ST8SIA2: variants seen among roughly 807,000 people sequenced by gnomAD.
The protein encoded by ST8SIA2 is ST8 alpha-N-acetyl-neuraminide alpha-2,8-sialyltransferase 2.
ST8SIA2 carries 22 observed loss-of-function variants against 37.6 expected under a neutral mutation model. That is an observed-to-expected ratio of 0.58 (90% confidence interval 0.42 to 0.83). The LOEUF (loss-of-function observed/expected upper bound fraction) is 0.83, where lower values mean the gene tolerates loss of function less well. Ranked by LOEUF, ST8SIA2 falls within the 40% of genes least tolerant of loss-of-function variation. ST8SIA2 has a pLI of 0.00. For missense variants in ST8SIA2, 382 were observed against 484.7 expected, an observed-to-expected ratio of 0.79 and a Z score of 1.99; for synonymous variants, 205 against 201.2, an observed-to-expected ratio of 1.02 and a Z score of -0.16.
intron 5 of ST8SIA2, among the ~76,000 whole-genome samples, chr15:92,462,314 G>T (rs1166318330): frequency 6.6e-6 from 1 of 152,102 alleles, no homozygotes; most frequent in Non-Finnish European, 1.5e-5. Context: ...AACTTACATA[G>T]GTTATTGATA....
chr15:92,454,763 G>GCCCCAACCTGA (rs1248037564), intron 5 of ST8SIA2, among the ~76,000 whole-genome samples: 120 of 152,258 alleles, frequency 7.9e-4, no homozygotes, highest in African/African-American at 2.9e-3. Context: ...CCTGTGGGGT[G>GCCCCAACCTGA]GCACGGAGCC....
At chr15:92,453,308 C>G (rs1210558321) in intron 5 of ST8SIA2, among the ~76,000 whole-genome samples, 1 of 152,024 alleles carries the variant, frequency 6.6e-6, no homozygotes, top group Non-Finnish European at 1.5e-5. Flanking sequence ...GTGTCTGTCC[C>G]CATTTTTACC....
intron 1 of ST8SIA2, among the ~76,000 whole-genome samples, chr15:92,420,335 C>T (rs1844109957): frequency 6.6e-6 from 1 of 152,148 alleles, no homozygotes; most frequent in Non-Finnish European, 1.5e-5. Context: ...CCCACAGTTT[C>T]ATTATGAGAA....
intron 1 of ST8SIA2, among the ~76,000 whole-genome samples, chr15:92,405,580 A>G (rs995676001): frequency 5.9e-5 from 9 of 152,244 alleles, no homozygotes; most frequent in Admixed American, 5.2e-4. Flanking sequence ...TTAAGAGCAC[A>G]GTTGTGATTT....
chr15:92,455,742 G>A (rs1409621114), intron 5 of ST8SIA2, among the ~76,000 whole-genome samples: 1 of 152,170 alleles, frequency 6.6e-6, no homozygotes, highest in Non-Finnish European at 1.5e-5. Context: ...TCACCCTTGT[G>A]CTGATATCTG....
chr15:92,419,425 T>C (rs1218516472), intron 1 of ST8SIA2, among the ~76,000 whole-genome samples: 1 of 152,178 alleles, frequency 6.6e-6, no homozygotes, highest in East Asian at 1.9e-4. Context: ...CATCTCTCCA[T>C]TGAGTGGTCC....
At chr15:92,413,459 T>C (rs2049564562) in intron 1 of ST8SIA2, among the ~76,000 whole-genome samples, 1 of 152,142 alleles carries the variant, frequency 6.6e-6, no homozygotes, top group East Asian at 1.9e-4. Flanking sequence ...TGCCACCTCA[T>C]TTTATTTTTA....
chr15:92,431,594 T>C (rs1031282516), intron 2 of ST8SIA2, among the ~76,000 whole-genome samples: 2 of 152,178 alleles, frequency 1.3e-5, no homozygotes, highest in African/African-American at 4.8e-5. Flanking sequence ...GCCTGAAATG[T>C]ACCTCTAGTG....
Position 92,433,822 on chromosome 15 carries a change from A to T in ST8SIA2, c.162-425A>T, listed in dbSNP as rs115459046. Among the ~76,000 whole-genome samples, 527 of 152,308 alleles carry T rather than the reference A, an allele frequency of 3.5e-3. 9 individuals are homozygous for T. The highest frequency in any genetic ancestry group is 0.012 in the African/African-American group (494 of 41,564). On this transcript the variant is annotated intron_variant, in intron 2 of 5. Transcript: ENST00000268164. Reference sequence around the variant, plus strand: ...GAGGGTGAAGCCACAGGCTACAATGACATTGTCCTGGTATGAGTTCTTGTT... The same window carrying T: ...GAGGGTGAAGCCACAGGCTACAATGTCATTGTCCTGGTATGAGTTCTTGTT...
intron 1 of ST8SIA2, among the ~76,000 whole-genome samples, chr15:92,407,015 A>G (rs2049513129): frequency 7.4e-6 from 1 of 135,842 alleles, no homozygotes; most frequent in Non-Finnish European, 1.5e-5. Flanking sequence ...AAAAGAAAAG[A>G]AAAAAAAAAA....
At chr15:92,460,770 C>G (rs2049951729) in intron 5 of ST8SIA2, among the ~76,000 whole-genome samples, 1 of 152,228 alleles carries the variant, frequency 6.6e-6, no homozygotes, top group Non-Finnish European at 1.5e-5. Context: ...ACCCACCTAT[C>G]TGTTGGGTCT....
At chr15:92,432,274 G>A (rs572387054) in intron 2 of ST8SIA2, among the ~76,000 whole-genome samples, 3 of 152,180 alleles carry the variant, frequency 2.0e-5, no homozygotes, top group Non-Finnish European at 4.4e-5. Flanking sequence ...AACAAAGCTG[G>A]GGTGAAGCCG....
intron 2 of ST8SIA2, among the ~76,000 whole-genome samples, chr15:92,432,205 A>G (rs3825984): frequency 0.52 from 78,674 of 151,914 alleles, 20,678 homozygotes; most frequent in East Asian, 0.72. Context: ...TTAGTGCGAT[A>G]ACTCCTCATC....
intron 5 of ST8SIA2, among the ~76,000 whole-genome samples, chr15:92,449,044 G>T (rs1038172923): frequency 6.6e-6 from 1 of 151,910 alleles, no homozygotes; most frequent in Admixed American, 6.6e-5. Flanking sequence ...GATTCAGGGG[G>T]TACCTCTGCA....
rs567878684 is a variant in ST8SIA2 at position 92,453,215 on chromosome 15, G to C, written c.842+8286G>C. 3.9e-5 allele frequency among the ~76,000 whole-genome samples: 6 copies of C among 152,252 alleles called. 1 individual carries two copies. The South Asian group carries it at 1.2e-3, about 32-fold the overall frequency. On this transcript the variant is annotated intron_variant, in intron 5 of 5. Transcript: ENST00000268164. ...CCTTGACAGATAGTTTAACCACTAT[G>C]TGCTGACCATTGACACCCAAAGGAT...
intron 3 of ST8SIA2, among the ~76,000 whole-genome samples, chr15:92,436,005 G>A (rs2049754979): frequency 6.6e-6 from 1 of 152,060 alleles, no homozygotes; most frequent in African/African-American, 2.4e-5. Flanking sequence ...GGTGGCCGCA[G>A]AACTCCAACC....
intron 5 of ST8SIA2, among the ~76,000 whole-genome samples, chr15:92,455,014 T>G (rs966262259): frequency 2.0e-5 from 3 of 151,990 alleles, no homozygotes; most frequent in African/African-American, 7.3e-5. Context: ...TGGCACTGAT[T>G]CAGCTTGCCT....
intron 5 of ST8SIA2, 122 bp downstream of exon 5, chr15:92,445,051 C>G (rs1428542214): frequency 1.6e-5 from 23 of 1,425,676 alleles, no homozygotes; most frequent in Non-Finnish European, 2.1e-5. Context: ...TGGATGGCCT[C>G]AGCAAGTCAC....
chr15:92,411,297 C>T (rs2049547021), intron 1 of ST8SIA2, among the ~76,000 whole-genome samples: 1 of 152,066 alleles, frequency 6.6e-6, no homozygotes, highest in South Asian at 2.1e-4. Flanking sequence ...TATGTGCAGA[C>T]GATGCATCAG....
Sources: gnomAD v4.1 joint callset for allele counts (sites outside exome capture counted in the v4.1 genomes callset) on GRCh38, gnomAD v4.1.1 for gene constraint, MANE v1.5 for transcripts, NCBI Gene and HGNC (gene_info 2026-07-23, HGNC 2026-07-21) for gene names.